The following ANO4 variants were observed in gnomAD, a reference collection of about 807,000 sequenced individuals.
ANO4 encodes the protein anoctamin 4.
Under a neutral mutation model 141.9 loss-of-function variants are expected in ANO4, and 69 were observed. That is an observed-to-expected ratio of 0.49 (90% CI 0.40 to 0.59). ANO4 has a LOEUF of 0.59. Ranked by LOEUF, ANO4 falls within the 20% of genes least tolerant of loss-of-function variation. The probability of loss-of-function intolerance (pLI) is 0.00; values close to 1 mark genes in which losing one functional copy is unlikely to be tolerated. For missense variants in ANO4, 894 were observed against 1,162.2 expected, an observed-to-expected ratio of 0.77 and a Z score of 3.36; for synonymous variants, 350 against 394.3, an observed-to-expected ratio of 0.89 and a Z score of 1.33.
intron 1 of ANO4, among the ~76,000 whole-genome samples, chr12:100,823,629 A>G (rs1033220031): frequency 2.6e-5 from 4 of 152,094 alleles, no homozygotes; most frequent in Admixed American, 2.0e-4. Context: ...ATATTAAACA[A>G]TTTTAAAACT....
chr12:100,866,191 G>T (rs1466503845), intron 1 of ANO4, among the ~76,000 whole-genome samples: 1 of 152,156 alleles, frequency 6.6e-6, no homozygotes, highest in South Asian at 2.1e-4. Flanking sequence ...TAAGTGAAAA[G>T]TTCCTGTTCC....
chr12:101,115,462 AAAG>A (rs140422668), intron 24 of ANO4, among the ~76,000 whole-genome samples: 8,759 of 152,196 alleles, frequency 0.058, 309 homozygotes, highest in Non-Finnish European at 0.081. Flanking sequence ...TCAGAAAAAA[AAAG>A]AAGAAGTAAG....
intron 8 of ANO4, among the ~76,000 whole-genome samples, chr12:101,003,718 T>G (rs79677975): frequency 0.15 from 22,630 of 152,148 alleles, 1,876 homozygotes; most frequent in East Asian, 0.21. Flanking sequence ...ATCTATTGTA[T>G]AGTAGGATGA....
At chr12:100,919,724 G>C (rs1227768383) in intron 2 of ANO4, among the ~76,000 whole-genome samples, 3 of 120,724 alleles carry the variant, frequency 2.5e-5, no homozygotes, top group African/African-American at 9.5e-5. Context: ...ATGTATGTAT[G>C]TGTGTATGTA....
intron 1 of ANO4, among the ~76,000 whole-genome samples, chr12:100,795,293 A>G (rs2034238161): frequency 6.6e-6 from 1 of 152,166 alleles, no homozygotes; most frequent in Non-Finnish European, 1.5e-5. Context: ...AGCCGGGGAA[A>G]TGTGTTCACG....
intron 8 of ANO4, among the ~76,000 whole-genome samples, chr12:100,996,449 C>T (rs1315257883): frequency 6.6e-6 from 1 of 152,134 alleles, no homozygotes; most frequent in African/African-American, 2.4e-5. Context: ...CTTTGGGAGA[C>T]CGTAGCAGGT....
rs34514121 is a variant in ANO4, at chr12:101,079,331, A to AC, written c.1395+65dup. On this transcript the variant is annotated intron_variant, in intron 15 of 27. Transcript: ENST00000392977. Reference sequence around the variant, plus strand: ...AAAGCAAATCACCCAGAACCACACGACCCCCCCCCAAAATTGTCACTCTCT... The same window carrying AC: ...AAAGCAAATCACCCAGAACCACACGACCCCCCCCCCAAAATTGTCACTCTCT... 6.6e-3 allele frequency: 8,588 copies of AC among 1,305,348 alleles called. 10 individuals carry two copies. Among genetic ancestry groups the AC allele is most frequent in the Middle Eastern group, 0.011 (57 of 5,388 alleles). The allele number at this position is 1,305,348 out of a possible 1,614,324, so 80.9% of individuals were successfully genotyped here.
chr12:100,920,796 TC>T (rs1683914553), intron 2 of ANO4, among the ~76,000 whole-genome samples: 2 of 152,172 alleles, frequency 1.3e-5, no homozygotes. Flanking sequence ...CAATACCTAG[TC>T]TGTCTCTATA....
chr12:100,967,048 T>C (rs557868419), intron 5 of ANO4, among the ~76,000 whole-genome samples: 1 of 152,112 alleles, frequency 6.6e-6, no homozygotes, highest in Admixed American at 6.6e-5. Context: ...AAATAGAAGG[T>C]TTTCAGTATG....
In ANO4 at chr12:101,103,229, A is replaced by C. The variant is rs1303583283; in HGVS notation, c.2149+3509A>C. Among the ~76,000 whole-genome samples, 37 of 104,700 alleles carry C rather than the reference A, an allele frequency of 3.5e-4. No individual in the cohort carries two copies. In the East Asian group the frequency reaches 5.5e-3, roughly 16 times the overall value. 68.7% of individuals were successfully genotyped at this position (104,700 alleles called of 152,430 possible). ...TATATATATATATATATATATATAT[A>C]TCTTTTTGTTCTTGCCTAAATGCAC... On this transcript the variant is annotated intron_variant, in intron 22 of 27. Transcript: ENST00000392977.
intron 14 of ANO4, among the ~76,000 whole-genome samples, chr12:101,054,283 A>G (rs549434145): frequency 6.6e-6 from 1 of 152,208 alleles, no homozygotes; most frequent in African/African-American, 2.4e-5. Flanking sequence ...GTAAAACACG[A>G]TTTTGAGTAT....
At chr12:100,754,498 T>C (rs1010727527) in intron 3 of ANO4, among the ~76,000 whole-genome samples, 1 of 151,974 alleles carries the variant, frequency 6.6e-6, no homozygotes, top group African/African-American at 2.4e-5. Context: ...TAAGCCATCA[T>C]GGACTTGGTG....
At chr12:100,853,704 A>G (rs887087475) in intron 1 of ANO4, among the ~76,000 whole-genome samples, 9 of 152,128 alleles carry the variant, frequency 5.9e-5, no homozygotes, top group Non-Finnish European at 5.9e-5. Context: ...TCCGTGACCT[A>G]TTAACTTCCA....
At chr12:100,796,036 ATTTTT>A (rs34968573) in intron 1 of ANO4, among the ~76,000 whole-genome samples, 2 of 141,582 alleles carry the variant, frequency 1.4e-5, no homozygotes, top group Non-Finnish European at 1.5e-5. Context: ...CTTAACAGGG[ATTTTT>A]TTTTTTTTTT....
intron 9 of ANO4, among the ~76,000 whole-genome samples, chr12:101,021,609 G>C (rs912469928): frequency 3.3e-5 from 5 of 152,284 alleles, no homozygotes; most frequent in African/African-American, 9.6e-5. Context: ...AAACTAGAAG[G>C]TTGCATTAAA....
rs1358564427 is a variant in ANO4, at chr12:101,042,340, C to T, written c.1026C>T (p.Tyr342=). ...KYQPLDLVRR[Y]FGEKIGLYFA... ...GCCGTTGTGTCTTTAACAGGCGGTA[C>T]TTTGGAGAGAAGATTGGGTTATATT... The change falls in exon 12 of 28, where the codon TAC becomes TAT. Residue 342 remains tyrosine, a synonymous_variant. Coordinates refer to ENST00000392977, the MANE Select transcript of ANO4 (RefSeq NM_001286615.2). 1.9e-6 allele frequency: 3 copies of T among 1,614,090 alleles called. No individual in the cohort carries two copies. The highest frequency in any genetic ancestry group is 2.5e-6 in the Non-Finnish European group (3 of 1,179,978).
intron 13 of ANO4, among the ~76,000 whole-genome samples, chr12:101,044,701 G>A (rs138654697): frequency 1.4e-3 from 213 of 152,278 alleles, no homozygotes; most frequent in African/African-American, 5.0e-3. Flanking sequence ...GCAGGTGGCC[G>A]GTCTGTGTAG....
At chr12:100,944,391 C>A (rs943043059) in intron 5 of ANO4, among the ~76,000 whole-genome samples, 1 of 151,970 alleles carries the variant, frequency 6.6e-6, no homozygotes, top group Admixed American at 6.6e-5. Flanking sequence ...AAAATTTTAA[C>A]AGGTATTTAT....
intron 1 of ANO4, among the ~76,000 whole-genome samples, chr12:100,817,346 C>T (rs2035793987): frequency 6.6e-6 from 1 of 151,432 alleles, no homozygotes; most frequent in Admixed American, 6.6e-5. Context: ...TAGAGTAATC[C>T]CTGCCTAGGC....
Sources: allele counts gnomAD v4.1 joint callset (sites outside exome capture counted in the v4.1 genomes callset), GRCh38; gene constraint gnomAD v4.1.1; transcripts MANE v1.5; gene names NCBI Gene and HGNC (gene_info 2026-07-23, HGNC 2026-07-21).